CASP8: variants seen among roughly 807,000 people sequenced by gnomAD.
CASP8 encodes caspase-8.
A neutral mutation model predicts 46.3 loss-of-function variants in CASP8; 24 were observed. The ratio of observed to expected loss-of-function variants is 0.52; its 90% confidence interval spans 0.38 to 0.73. The LOEUF is 0.73. Ranked by LOEUF, CASP8 falls within the 30% of genes least tolerant of loss-of-function variation. CASP8 has a pLI of 0.00. For missense variants in CASP8, 460 were observed against 559.0 expected (o/e 0.82, Z 1.79); for synonymous variants, 188 against 200.4 (o/e 0.94, Z 0.52).
intron 7 of CASP8, among the ~76,000 whole-genome samples, chr2:201,283,696 C>G (rs1193786040): frequency 3.2e-5 from 3 of 92,564 alleles, no homozygotes; most frequent in African/African-American, 1.0e-4. Flanking sequence ...GACCACCCCC[C>G]CCCGCCTCCC....
intron 1 of CASP8, among the ~76,000 whole-genome samples, chr2:201,262,689 AATACAAGTAC>A (rs1947508263): frequency 6.6e-6 from 1 of 152,180 alleles, no homozygotes; most frequent in African/African-American, 2.4e-5. Context: ...AGGAACCAAA[AATACAAGTAC>A]ATTGTTTAAA....
chr2:201,284,558 T>C (rs1218627441), intron 7 of CASP8, among the ~76,000 whole-genome samples: 1 of 66,766 alleles, frequency 1.5e-5, no homozygotes, highest in Non-Finnish European at 3.3e-5. Context: ...GCGCCTGCAA[T>C]CGCAGGCACT....
chr2:201,275,187 A>G (rs1948553522), intron 6 of CASP8, among the ~76,000 whole-genome samples: 2 of 152,128 alleles, frequency 1.3e-5, no homozygotes, highest in Admixed American at 1.3e-4. Context: ...ACCCGAGATG[A>G]AGATACTGGA....
At chr2:201,263,421 C>G (rs947922807) in intron 1 of CASP8, among the ~76,000 whole-genome samples, 1 of 152,052 alleles carries the variant, frequency 6.6e-6, no homozygotes, top group Non-Finnish European at 1.5e-5. Flanking sequence ...ACTTACAATA[C>G]AAGATGTACT....
intron 2 of CASP8, among the ~76,000 whole-genome samples, chr2:201,269,955 C>A (rs985643280): frequency 3.9e-5 from 6 of 152,080 alleles, no homozygotes; most frequent in Non-Finnish European, 7.4e-5. Flanking sequence ...AAACTGAAAG[C>A]TTTAGATAAA....
At chr2:201,263,614 T>G (rs1247988311) in intron 1 of CASP8, among the ~76,000 whole-genome samples, 1 of 152,248 alleles carries the variant, frequency 6.6e-6, no homozygotes, top group Non-Finnish European at 1.5e-5. Context: ...CTAAAATGAA[T>G]ACACTAAGCA....
chr2:201,254,309 C>A (rs1946920515), intron 2 of CASP8, among the ~76,000 whole-genome samples: 1 of 152,148 alleles, frequency 6.6e-6, no homozygotes, highest in Admixed American at 6.5e-5. Context: ...CATTTTAATA[C>A]CAAAAGAAAA....
At position 201,272,583 on chromosome 2, in the gene CASP8, C is replaced by G. The variant is rs757506437; in HGVS notation, c.412-55C>G. 3.1e-6 allele frequency: 5 copies of G among 1,599,364 alleles called. No homozygotes were observed. In the African/African-American group the frequency reaches 5.4e-5, roughly 17 times the overall value. On this transcript the variant is annotated intron_variant, in intron 3 of 8. Coordinates refer to ENST00000673742, the MANE Select transcript of CASP8 (RefSeq NM_001372051.1). The surrounding 1 kb of genome is among the most constrained non-coding windows in gnomAD (Gnocchi z 4.4). ...TGGAAATTAAAAAAAAAAATCTAAT[C>G]TAAAAACCAGTAGGGCTCAATCCAG...
At chr2:201,280,364 A>G (rs1161981458) in intron 7 of CASP8, among the ~76,000 whole-genome samples, 1 of 152,214 alleles carries the variant, frequency 6.6e-6, no homozygotes, top group African/African-American at 2.4e-5. Context: ...CTTTCCAAGA[A>G]CGAAATGACG....
At chr2:201,237,593 A>G (rs2124863547) in intron 2 of CASP8, among the ~76,000 whole-genome samples, 1 of 152,334 alleles carries the variant, frequency 6.6e-6, no homozygotes, top group East Asian at 1.9e-4. Flanking sequence ...TTACATAAAT[A>G]CTGAAGAATT....
chr2:201,262,446 A>G (rs1159385519), intron 1 of CASP8: 1 of 151,674 alleles, frequency 6.6e-6, no homozygotes, highest in Non-Finnish European at 1.5e-5. Context: ...TGTAATACAA[A>G]TAGACTTATA....
chr2:201,277,335 C>T (rs1010927637), intron 7 of CASP8, among the ~76,000 whole-genome samples: 1 of 152,232 alleles, frequency 6.6e-6, no homozygotes, highest in East Asian at 1.9e-4. Context: ...TGCATTTTTA[C>T]AGGTTGGGCT....
At chr2:201,276,772 A>C in intron 6 of CASP8, 55 bp from the exon 7 acceptor site, 1 of 1,612,366 alleles carries the variant, frequency 6.2e-7, no homozygotes, top group South Asian at 1.1e-5. Flanking sequence ...GTTTGTTTAC[A>C]TCTCTAGTGT....
At position 201,268,041 on chromosome 2, in the gene CASP8, C is replaced by T. The variant is rs35114691; in HGVS notation, c.305+1250C>T. Among the ~76,000 whole-genome samples, 674 of 152,316 alleles carry T rather than the reference C, an allele frequency of 4.4e-3. 4 individuals carry two copies. Among genetic ancestry groups the T allele is most frequent in the Middle Eastern group, 6.8e-3 (2 of 294 alleles). On this transcript the variant is annotated intron_variant, in intron 2 of 8. Coordinates refer to ENST00000673742, the MANE Select transcript of CASP8 (RefSeq NM_001372051.1). ...TCCAGGGTTCAAGTGATTCTTCTGC[C>T]TCAGCCTCCTGAGTAGCTGGGATTA...
intron 7 of CASP8, among the ~76,000 whole-genome samples, chr2:201,283,326 T>C (rs1576378286): frequency 5.9e-5 from 4 of 68,132 alleles, no homozygotes; most frequent in Admixed American, 2.3e-4. Flanking sequence ...GGCTCCTCAC[T>C]TCCCAGTAGG....
At chr2:201,236,667 C>T (rs1265670931) in intron 2 of CASP8, among the ~76,000 whole-genome samples, 2 of 152,198 alleles carry the variant, frequency 1.3e-5, no homozygotes, top group Non-Finnish European at 2.9e-5. Context: ...TTACCGAACC[C>T]TGGCCCCACC....
chr2:201,239,800 C>G, intron 2 of CASP8, among the ~76,000 whole-genome samples: 1 of 152,216 alleles, frequency 6.6e-6, no homozygotes, highest in South Asian at 2.1e-4. Flanking sequence ...GAAGCTCACA[C>G]TGCACCGTAA....
At chr2:201,285,629 A>G (rs1286903510) in intron 8 of CASP8, among the ~76,000 whole-genome samples, 2 of 152,244 alleles carry the variant, frequency 1.3e-5, no homozygotes, top group South Asian at 2.1e-4. Flanking sequence ...CAATCAGGGT[A>G]TCACAGAGCA....
chr2:201,241,919 A>G (rs1946316245), intron 2 of CASP8: 1 of 152,232 alleles, frequency 6.6e-6, no homozygotes, highest in African/African-American at 2.4e-5. Context: ...ATCAGTGCGA[A>G]ATGGCCTATT....
Sources: gnomAD v4.1 joint callset for allele counts (sites outside exome capture counted in the v4.1 genomes callset) on GRCh38, gnomAD v4.1.1 for gene constraint, Gnocchi (gnomAD v3.1) non-coding constraint, MANE v1.5 for transcripts, NCBI Gene and HGNC (gene_info 2026-07-23, HGNC 2026-07-21) for gene names.